The following BMPR1B variants were observed in gnomAD, a reference collection of about 807,000 sequenced individuals.
BMPR1B encodes the protein bone morphogenetic protein receptor type-1B.
Under a neutral mutation model 59.1 loss-of-function variants are expected in BMPR1B, and 12 were observed. That is an observed-to-expected ratio of 0.20 (90% confidence interval 0.13 to 0.33). BMPR1B has a LOEUF of 0.33. Ranked by LOEUF, BMPR1B falls within the 10% of genes least tolerant of loss-of-function variation. The pLI, the probability that BMPR1B is intolerant of heterozygous loss-of-function variation, is 1.00. For missense variants in BMPR1B, 550 were observed against 610.9 expected, an observed-to-expected ratio of 0.90 and a Z score of 1.05; for synonymous variants, 237 against 207.3, an observed-to-expected ratio of 1.14 and a Z score of -1.23.
At chr4:94,809,835 A>G (rs1237321093) in intron 1 of BMPR1B, among the ~76,000 whole-genome samples, 2 of 152,222 alleles carry the variant, frequency 1.3e-5, no homozygotes, top group South Asian at 2.1e-4. Context: ...CAGTATCCCA[A>G]GTTTTGAGGC....
intron 1 of BMPR1B, among the ~76,000 whole-genome samples, chr4:94,835,380 T>C (rs939986156): frequency 1.3e-5 from 2 of 152,040 alleles, no homozygotes; most frequent in Non-Finnish European, 2.9e-5. Flanking sequence ...TTGTTGACTG[T>C]TTTTTGGCAA....
intron 3 of BMPR1B, among the ~76,000 whole-genome samples, chr4:94,997,503 A>G (rs1011329646): frequency 2.0e-5 from 3 of 152,210 alleles, no homozygotes; most frequent in Non-Finnish European, 4.4e-5. Flanking sequence ...AACTTTTCAA[A>G]TGATGCAAAA....
intron 1 of BMPR1B, among the ~76,000 whole-genome samples, chr4:94,812,584 T>A (rs1435328884): frequency 1.3e-5 from 2 of 152,212 alleles, no homozygotes; most frequent in African/African-American, 4.8e-5. Flanking sequence ...TCTCATTATA[T>A]CAATGAGATA....
chr4:95,002,483 T>C (rs1722520148), intron 3 of BMPR1B, among the ~76,000 whole-genome samples: 1 of 152,202 alleles, frequency 6.6e-6, no homozygotes, highest in African/African-American at 2.4e-5. Flanking sequence ...TTCTTTTAGA[T>C]CTATGCCCAG....
chr4:94,840,492 T>A (rs1433508615), intron 1 of BMPR1B, among the ~76,000 whole-genome samples: 1 of 147,106 alleles, frequency 6.8e-6, no homozygotes, highest in Non-Finnish European at 1.5e-5. Flanking sequence ...AAACTTCCCT[T>A]CTCGCTTCAT....
chr4:94,784,627 G>A (rs1722698728), intron 1 of BMPR1B, among the ~76,000 whole-genome samples: 2 of 151,980 alleles, frequency 1.3e-5, no homozygotes, highest in African/African-American at 4.8e-5. Context: ...CAAAGTGCTG[G>A]GATTACAGGT....
intron 1 of BMPR1B, among the ~76,000 whole-genome samples, chr4:94,833,193 A>G (rs900133138): frequency 0.011 from 298 of 27,630 alleles, 3 homozygotes; most frequent in East Asian, 0.11. Context: ...ACTCTTTCTC[A>G]AAAAAAAAAA....
At chr4:94,819,099 G>A (rs1724112826) in intron 1 of BMPR1B, among the ~76,000 whole-genome samples, 2 of 152,242 alleles carry the variant, frequency 1.3e-5, no homozygotes, top group South Asian at 4.1e-4. Flanking sequence ...TTGTGCTACT[G>A]CACTCCAGCC....
chr4:95,037,371 A>T (rs1725335104), intron 3 of BMPR1B, among the ~76,000 whole-genome samples: 1 of 152,224 alleles, frequency 6.6e-6, no homozygotes, highest in South Asian at 2.1e-4. Flanking sequence ...AGATGAAATG[A>T]TGTAAACCGA....
intron 2 of BMPR1B, among the ~76,000 whole-genome samples, chr4:94,977,330 C>T (rs1385268596): frequency 6.6e-6 from 1 of 152,168 alleles, no homozygotes; most frequent in Non-Finnish European, 1.5e-5. Flanking sequence ...TTGGTAGTCA[C>T]ACCCTTACTT....
intron 2 of BMPR1B, among the ~76,000 whole-genome samples, chr4:94,965,491 A>T (rs1294141089): frequency 6.6e-6 from 1 of 152,142 alleles, no homozygotes; most frequent in African/African-American, 2.4e-5. Flanking sequence ...CAAAGACTCC[A>T]TGCAAATCCA....
Position 95,116,621 on chromosome 4 carries a change from C to CT in BMPR1B, c.349+846dup, listed in dbSNP as rs945802587. Among the ~76,000 whole-genome samples, 412 of 142,980 alleles carry CT rather than the reference C, an allele frequency of 2.9e-3. 1 individual carries two copies. Among genetic ancestry groups the CT allele is most frequent in the African/African-American group, 6.3e-3 (248 of 39,660 alleles). The allele number at this position is 142,980 out of a possible 152,430, so 93.8% of individuals were successfully genotyped here. A position where few individuals can be genotyped will look rare whatever the true frequency, so the allele number is the denominator to read the frequency against. ...TGTTTTGCTTTCTCTCTCTCTCTCT[C>CT]TTTTTTTTTTTTGAGACAGGGTCTT... On this transcript the variant is annotated intron_variant, in intron 6 of 12. Transcript: ENST00000515059.
At chr4:95,030,956 T>C (rs1724797940) in intron 3 of BMPR1B, among the ~76,000 whole-genome samples, 1 of 151,982 alleles carries the variant, frequency 6.6e-6, no homozygotes, top group African/African-American at 2.4e-5. Context: ...CAAGGTAATT[T>C]ATAGATTCAA....
intron 1 of BMPR1B, among the ~76,000 whole-genome samples, chr4:94,858,246 G>C (rs181860026): frequency 6.6e-6 from 1 of 152,152 alleles, no homozygotes; most frequent in African/African-American, 2.4e-5. Flanking sequence ...CACCGTGCCT[G>C]GCCAATACAC....
At chr4:95,079,306 A>G (rs941084308) in intron 3 of BMPR1B, among the ~76,000 whole-genome samples, 2 of 152,202 alleles carry the variant, frequency 1.3e-5, no homozygotes, top group African/African-American at 4.8e-5. Flanking sequence ...AAGTTGTTCT[A>G]CGTACCTCAA....
At chr4:94,830,066 G>A (rs1724520683) in intron 1 of BMPR1B, among the ~76,000 whole-genome samples, 1 of 152,152 alleles carries the variant, frequency 6.6e-6, no homozygotes, top group Admixed American at 6.5e-5. Flanking sequence ...TTTCATGATA[G>A]TTATCAGCTA....
At chr4:94,890,090 C>T (rs151273050) in intron 2 of BMPR1B, among the ~76,000 whole-genome samples, 12 of 151,962 alleles carry the variant, frequency 7.9e-5, no homozygotes, top group African/African-American at 2.7e-4. Context: ...GTGAATAGAG[C>T]CTTTCCAACT....
At position 94,803,685 on chromosome 4, in the gene BMPR1B, G is replaced by T. The variant is rs527651698; in HGVS notation, c.-183+45617G>T. Among the ~76,000 whole-genome samples the T allele has an allele frequency of 3.9e-5, 6 of 152,188 alleles. No homozygotes were observed. In the East Asian group the frequency reaches 1.2e-3, roughly 29 times the overall value. ...ATGCAATCTGTTCTCAACATAATTT[G>T]ATTTGCAGAGCTCTTGTTTTGATGC... On this transcript the variant is annotated intron_variant, in intron 1 of 12. Coordinates refer to ENST00000515059, the MANE Select transcript of BMPR1B (RefSeq NM_001203.3).
rs1367562642 is a variant in BMPR1B at position 94,757,974 on chromosome 4, G to C, written c.-277G>C. ...GCGGCCAGAAGTTGACGGCGCAGCC[G>C]GGCGCGGGGCGCGGAGTCGGCGGGG... On this transcript the variant is annotated 5_prime_UTR_variant, in exon 1 of 13. Transcript: ENST00000515059. 1 of 145,566 alleles carries C rather than the reference G, an allele frequency of 6.9e-6. No individual in the cohort carries two copies. Among genetic ancestry groups the C allele is most frequent in the East Asian group, 2.0e-4 (1 of 4,984 alleles). 9.0% of individuals were successfully genotyped at this position (145,566 alleles called of 1,614,324 possible). A position where few individuals can be genotyped will look rare whatever the true frequency, so the allele number is the denominator to read the frequency against.
Sources: gnomAD v4.1 joint callset for allele counts (sites outside exome capture counted in the v4.1 genomes callset) on GRCh38, gnomAD v4.1.1 for gene constraint, MANE v1.5 for transcripts, NCBI Gene and HGNC (gene_info 2026-07-23, HGNC 2026-07-21) for gene names.